Variants in GPR158 observed in about 807,000 individuals in gnomAD.
The protein encoded by GPR158 is metabotropic glycine receptor.
Under a neutral mutation model 78.2 loss-of-function variants are expected in GPR158, and 30 were observed. The ratio of observed to expected loss-of-function variants is 0.38; its 90% CI spans 0.29 to 0.52. The LOEUF (loss-of-function observed/expected upper bound fraction) is 0.52, where lower values mean the gene tolerates loss of function less well. Among genes scored for constraint, GPR158 ranks in the 20% least tolerant of loss-of-function variants. GPR158 has a pLI of 0.83. For missense variants in GPR158, 1,463 were observed against 1,523.5 expected (o/e 0.96, Z 0.66); for synonymous variants, 581 against 591.1 (o/e 0.98, Z 0.25).
chr10:25,466,627 G>GAC, intron 4 of GPR158, 24 bp from the exon 5 acceptor site: 1 of 1,539,246 alleles, frequency 6.5e-7, no homozygotes, highest in Non-Finnish European at 8.9e-7. Context: ...AGTTAGTAAT[G>GAC]ACGTTTTTAT....
intron 2 of GPR158, among the ~76,000 whole-genome samples, chr10:25,377,621 A>G (rs1224094886): frequency 6.6e-6 from 1 of 152,054 alleles, no homozygotes; most frequent in Non-Finnish European, 1.5e-5. Flanking sequence ...TATAAGTGAA[A>G]TCATATAATA....
chr10:25,241,295 TTTTC>T (rs1853616566), intron 2 of GPR158, among the ~76,000 whole-genome samples: 3 of 101,226 alleles, frequency 3.0e-5, no homozygotes, highest in South Asian at 6.0e-4. Context: ...TTTTCTTTTC[TTTTC>T]TTTTCTTTTC....
intron 2 of GPR158, among the ~76,000 whole-genome samples, chr10:25,324,546 TATAATA>T (rs960444638): frequency 1.3e-5 from 2 of 152,082 alleles, no homozygotes; most frequent in East Asian, 3.9e-4. Context: ...CCATAACAGA[TATAATA>T]ATAATAAGAG....
intron 3 of GPR158, among the ~76,000 whole-genome samples, chr10:25,411,175 C>A (rs1227130345): frequency 2.0e-5 from 3 of 150,332 alleles, no homozygotes; most frequent in Middle Eastern, 3.4e-3. Flanking sequence ...TAAAGATAAT[C>A]TTTACCTGTA....
intron 2 of GPR158, among the ~76,000 whole-genome samples, chr10:25,381,779 T>G (rs576207826): frequency 3.3e-5 from 5 of 152,342 alleles, no homozygotes; most frequent in African/African-American, 9.6e-5. Flanking sequence ...TGTTTAGCAT[T>G]TTTTATTTTA....
At chr10:25,348,866 C>A (rs781466838) in intron 2 of GPR158, among the ~76,000 whole-genome samples, 2 of 151,984 alleles carry the variant, frequency 1.3e-5, no homozygotes, top group African/African-American at 2.4e-5. Flanking sequence ...TCTAGTCATG[C>A]AGCTGTTTAA....
chr10:25,241,179 T>TTC (rs1366534388), intron 2 of GPR158, among the ~76,000 whole-genome samples: 1 of 107,338 alleles, frequency 9.3e-6, no homozygotes, highest in African/African-American at 4.9e-5. Context: ...CTTTCTTTCT[T>TTC]TCTTTCTTTC....
At chr10:25,369,402 T>C (rs201070409) in intron 2 of GPR158, among the ~76,000 whole-genome samples, 20,076 of 148,338 alleles carry the variant, frequency 0.14, 1,579 homozygotes, top group African/African-American at 0.23. Flanking sequence ...TGTCAAAGGC[T>C]TTTTCTGCAT....
chr10:25,438,689 GA>G (rs1449572118), intron 4 of GPR158, among the ~76,000 whole-genome samples: 1 of 152,162 alleles, frequency 6.6e-6, no homozygotes, highest in African/African-American at 2.4e-5. Context: ...TTAATGAAAG[GA>G]GCGTATTTTA....
At chr10:25,439,011 A>G (rs1176682765) in intron 4 of GPR158, among the ~76,000 whole-genome samples, 2 of 152,224 alleles carry the variant, frequency 1.3e-5, no homozygotes, top group Non-Finnish European at 2.9e-5. Flanking sequence ...GGCTGATTTC[A>G]TGCTACAGTG....
chr10:25,546,702 C>T lies in GPR158; in HGVS notation c.1405-4274C>T, dbSNP rs186016202. On this transcript the variant is annotated intron_variant, in intron 5 of 10. Coordinates refer to ENST00000376351, the MANE Select transcript of GPR158 (RefSeq NM_020752.3). ...TGTCACAGAAGTGAATGAGAAAACC[C>T]ATGGTTGTCACGGAGCCTGCAGCCT... 1.6e-3 allele frequency among the ~76,000 whole-genome samples: 242 copies of T among 152,208 alleles called. 1 individual carries two copies. Among genetic ancestry groups the T allele is most frequent in the African/African-American group, 5.5e-3 (230 of 41,540 alleles).
At chr10:25,249,286 A>C (rs1422424213) in intron 2 of GPR158, among the ~76,000 whole-genome samples, 1 of 152,152 alleles carries the variant, frequency 6.6e-6, no homozygotes, top group Admixed American at 6.5e-5. Context: ...CCCTTTTCCT[A>C]ATTGAATACC....
At chr10:25,578,124 C>T (rs916852791) in intron 7 of GPR158, among the ~76,000 whole-genome samples, 8 of 152,192 alleles carry the variant, frequency 5.3e-5, no homozygotes, top group African/African-American at 1.4e-4. Context: ...TTACACTACT[C>T]ATCATTATAT....
At chr10:25,426,417 G>C (rs1488500144) in intron 4 of GPR158, among the ~76,000 whole-genome samples, 1 of 152,074 alleles carries the variant, frequency 6.6e-6, no homozygotes, top group Non-Finnish European at 1.5e-5. Context: ...CTCAGCTTTC[G>C]ATATGCCTCC....
intron 2 of GPR158, among the ~76,000 whole-genome samples, chr10:25,333,560 A>G (rs1249355812): frequency 6.6e-6 from 1 of 152,158 alleles, no homozygotes; most frequent in Non-Finnish European, 1.5e-5. Flanking sequence ...TAGTACTGTA[A>G]TGACGCACTT....
At chr10:25,366,008 A>G (rs554582917) in intron 2 of GPR158, among the ~76,000 whole-genome samples, 2 of 151,846 alleles carry the variant, frequency 1.3e-5, no homozygotes, top group East Asian at 1.9e-4. Context: ...ATTTTGTTCA[A>G]CATTGAGTGA....
intron 2 of GPR158, among the ~76,000 whole-genome samples, chr10:25,316,965 T>A (rs960650253): frequency 2.6e-5 from 4 of 151,470 alleles, no homozygotes; most frequent in Non-Finnish European, 5.9e-5. Flanking sequence ...TTCCACTGTT[T>A]CATTTTCTTT....
At chr10:25,353,119 T>C (rs80152633) in intron 2 of GPR158, among the ~76,000 whole-genome samples, 2,283 of 152,160 alleles carry the variant, frequency 0.015, 60 homozygotes, top group African/African-American at 0.052. Flanking sequence ...GCAAGGGCAG[T>C]AATGACTTTA....
intron 5 of GPR158, among the ~76,000 whole-genome samples, chr10:25,531,619 G>A (rs973147048): frequency 7.8e-6 from 1 of 127,730 alleles, no homozygotes; most frequent in African/African-American, 2.5e-5. Context: ...CCTCGTCATA[G>A]GATTTGGTAT....
Sources: allele counts gnomAD v4.1 joint callset (sites outside exome capture counted in the v4.1 genomes callset), GRCh38; gene constraint gnomAD v4.1.1; transcripts MANE v1.5; gene names NCBI Gene and HGNC (gene_info 2026-07-23, HGNC 2026-07-21).